The following TENM3 variants were observed in gnomAD, a reference collection of about 807,000 sequenced individuals.
The protein encoded by TENM3 is teneurin-3.
Under a neutral mutation model 255.1 loss-of-function variants are expected in TENM3, and 63 were observed. The ratio of observed to expected loss-of-function variants is 0.25; its 90% CI spans 0.20 to 0.30. The LOEUF is 0.30. Ranked by LOEUF, TENM3 falls within the 10% of genes least tolerant of loss-of-function variation. The pLI is 1.00. For synonymous variants in TENM3, 1,306 were observed against 1,322.3 expected (o/e 0.99, Z 0.27); for missense variants, 2,929 against 3,461.1 (o/e 0.85, Z 3.86).
chr4:181,678,843 A>AAC, the TENM3 span, among the ~76,000 whole-genome samples: 1 of 137,082 alleles, frequency 7.3e-6, no homozygotes, highest in Admixed American at 7.0e-5. Context: ...GTTTTAAACA[A>AAC]AAAAAAAAAA....
intron 3 of TENM3, among the ~76,000 whole-genome samples, chr4:182,542,526 CTTT>C (rs1740985148): frequency 1.3e-5 from 2 of 152,108 alleles, no homozygotes; most frequent in African/African-American, 4.8e-5. Flanking sequence ...CTTTGTGTCA[CTTT>C]ATATAGGGTA....
intron 6 of TENM3, among the ~76,000 whole-genome samples, chr4:182,657,799 C>G (rs995596567): frequency 6.6e-6 from 1 of 152,090 alleles, no homozygotes; most frequent in Non-Finnish European, 1.5e-5. Context: ...GCTGGGACTA[C>G]AGGCACATGT....
At chr4:181,981,833 C>A in the TENM3 span, among the ~76,000 whole-genome samples, 1 of 152,168 alleles carries the variant, frequency 6.6e-6, no homozygotes. Context: ...GGTTACTACT[C>A]CAGGCTTCTG....
At chr4:182,136,149 T>C in the TENM3 span, among the ~76,000 whole-genome samples, 7 of 151,598 alleles carry the variant, frequency 4.6e-5, no homozygotes, top group Admixed American at 3.3e-4. Flanking sequence ...AAAGCTGGTA[T>C]GGAAAAAAAA....
At chr4:182,148,788 T>C (rs1750132876) in intron 1 of TENM3, among the ~76,000 whole-genome samples, 1 of 152,088 alleles carries the variant, frequency 6.6e-6, no homozygotes, top group South Asian at 2.1e-4. Context: ...TTGTTTCTTA[T>C]CTGTACCTGG....
chr4:182,597,507 G>A (rs552924772), intron 3 of TENM3, among the ~76,000 whole-genome samples: 33 of 152,184 alleles, frequency 2.2e-4, no homozygotes, highest in African/African-American at 4.6e-4. Context: ...GCAACCTTTC[G>A]ATCTTAAAAA....
At chr4:181,660,866 A>G in the TENM3 span, among the ~76,000 whole-genome samples, 3 of 152,338 alleles carry the variant, frequency 2.0e-5, no homozygotes, top group Non-Finnish European at 2.9e-5. Flanking sequence ...TATATCAAAT[A>G]CTTTCAAAGT....
rs542456277 is a variant in TENM3, at chr4:182,381,593, T to C, written c.511+34664T>C. 1.3e-4 allele frequency among the ~76,000 whole-genome samples: 18 copies of C among 140,618 alleles called. No homozygotes were observed. The East Asian group carries it at 4.5e-3, about 35-fold the overall frequency. 92.3% of individuals were successfully genotyped at this position (140,618 alleles called of 152,430 possible). On this transcript the variant is annotated intron_variant, in intron 3 of 27. Transcript: ENST00000511685. ...CCTCCCCTCCGGAGTTTTGCTCTTG[T>C]TGCCCAGGCTGGAGTGCAATGGTGT...
At chr4:182,110,835 A>G in the TENM3 span, among the ~76,000 whole-genome samples, 1 of 152,332 alleles carries the variant, frequency 6.6e-6, no homozygotes, top group East Asian at 1.9e-4. Flanking sequence ...ATTAAGACTT[A>G]GGCTAGCCTG....
the TENM3 span, among the ~76,000 whole-genome samples, chr4:181,463,034 G>A: frequency 2.6e-5 from 4 of 152,026 alleles, no homozygotes; most frequent in East Asian, 3.9e-4. Flanking sequence ...AGCTCATCTT[G>A]GTATTCAAGA....
chr4:181,979,225 GT>G, the TENM3 span, among the ~76,000 whole-genome samples: 3 of 139,136 alleles, frequency 2.2e-5, no homozygotes, highest in East Asian at 2.2e-4. Flanking sequence ...CTTATATAGA[GT>G]TTTTTTTCTT....
At chr4:181,717,172 T>C in the TENM3 span, among the ~76,000 whole-genome samples, 1 of 152,178 alleles carries the variant, frequency 6.6e-6, no homozygotes, top group Non-Finnish European at 1.5e-5. Flanking sequence ...ATTATTTCAT[T>C]GTCGAGCCCC....
intron 3 of TENM3, among the ~76,000 whole-genome samples, chr4:182,574,679 G>T (rs1165812914): frequency 6.6e-6 from 1 of 151,936 alleles, no homozygotes; most frequent in Non-Finnish European, 1.5e-5. Context: ...CCTAAAACTG[G>T]TTATATTTTT....
the TENM3 span, among the ~76,000 whole-genome samples, chr4:181,593,450 A>G: frequency 6.6e-6 from 1 of 152,344 alleles, no homozygotes; most frequent in East Asian, 1.9e-4. Flanking sequence ...AAAATAGTTT[A>G]AGAGCTGCCG....
intron 1 of TENM3, among the ~76,000 whole-genome samples, chr4:182,247,017 T>G (rs968314388): frequency 6.6e-6 from 1 of 152,016 alleles, no homozygotes; most frequent in African/African-American, 2.4e-5. Flanking sequence ...GAACCAGCCG[T>G]GTGGGCAGCT....
chr4:181,753,127 G>C, the TENM3 span, among the ~76,000 whole-genome samples: 2 of 152,136 alleles, frequency 1.3e-5, no homozygotes, highest in Non-Finnish European at 2.9e-5. Context: ...CGACTCAAAG[G>C]ATGAGAAAGA....
the TENM3 span, among the ~76,000 whole-genome samples, chr4:181,535,504 G>A: frequency 6.6e-6 from 1 of 152,130 alleles, no homozygotes; most frequent in Non-Finnish European, 1.5e-5. Flanking sequence ...AATAAACAGG[G>A]TAATCCTGTG....
the TENM3 span, among the ~76,000 whole-genome samples, chr4:181,670,170 G>A: frequency 1.3e-5 from 2 of 152,024 alleles, no homozygotes; most frequent in African/African-American, 4.8e-5. Context: ...TAATACTTTG[G>A]AATGAATACC....
At chr4:182,466,752 G>A (rs963464373) in intron 3 of TENM3, among the ~76,000 whole-genome samples, 5 of 151,692 alleles carry the variant, frequency 3.3e-5, no homozygotes, top group African/African-American at 4.8e-5. Context: ...GTCACATTCC[G>A]AGCTTCTTGG....
Sources: allele counts gnomAD v4.1 joint callset (sites outside exome capture counted in the v4.1 genomes callset), GRCh38; gene constraint gnomAD v4.1.1; transcripts MANE v1.5; gene names NCBI Gene and HGNC (gene_info 2026-07-23, HGNC 2026-07-21).